ACTL8: variants seen among roughly 807,000 people sequenced by gnomAD.
The protein encoded by ACTL8 is actin like 8, also known as actin-like protein 8.
In ACTL8, 3 loss-of-function variants were observed where a neutral mutation model predicts 9.3. That is an observed-to-expected ratio of 0.32 (90% confidence interval 0.15 to 0.83). ACTL8 has a LOEUF of 0.83. Among genes scored for constraint, ACTL8 ranks in the 40% least tolerant of loss-of-function variants. The pLI, the probability that ACTL8 is intolerant of heterozygous loss-of-function variation, is 0.57. For missense variants in ACTL8, 381 were observed against 492.2 expected (o/e 0.77, Z 2.14); for synonymous variants, 224 against 205.9 (o/e 1.09, Z -0.75).
chr1:17,761,513 A>G (rs112900580), intron 1 of ACTL8, among the ~76,000 whole-genome samples: 1,975 of 151,742 alleles, frequency 0.013, 44 homozygotes, highest in African/African-American at 0.045. Flanking sequence ...TTAAAGTGGG[A>G]CAATTAATTA....
At chr1:17,782,395 C>T (rs867223368) in intron 1 of ACTL8, among the ~76,000 whole-genome samples, 5 of 151,710 alleles carry the variant, frequency 3.3e-5, no homozygotes, top group Admixed American at 6.6e-5. Flanking sequence ...TTTTGTTAAA[C>T]GCTATAAAGC....
chr1:17,826,110 C>A lies in ACTL8; in HGVS notation c.692C>A (p.Ala231Asp). The A allele has an allele frequency of 1.2e-6, 2 of 1,610,128 alleles. No individual in the cohort carries two copies. The change falls in exon 3 of 3, where the codon GCC (alanine) becomes GAC (aspartate). Residue 231 changes from alanine (A) to aspartate (D), a missense_variant. Ala to Asp is a moderately radical substitution (Grantham distance 126). Transcript: ENST00000375406. The surrounding 1 kb of genome is among the most constrained non-coding windows in gnomAD (Gnocchi z 4.5). ...ALDFRERQQS[A>D]LDESNTYQLP... Reference sequence around the variant, plus strand: ...GACTTTCGTGAGAGGCAGCAGAGTGCCTTGGATGAGAGCAACACCTATCAG... The same window carrying A: ...GACTTTCGTGAGAGGCAGCAGAGTGACTTGGATGAGAGCAACACCTATCAG...
intron 1 of ACTL8, among the ~76,000 whole-genome samples, chr1:17,797,436 T>G (rs1298775779): frequency 6.6e-6 from 1 of 152,216 alleles, no homozygotes; most frequent in Non-Finnish European, 1.5e-5. Context: ...CTTCCCAGGC[T>G]GTGTTCTGCA....
At chr1:17,794,214 G>C (rs571255821) in intron 1 of ACTL8, among the ~76,000 whole-genome samples, 3 of 152,290 alleles carry the variant, frequency 2.0e-5, no homozygotes, top group East Asian at 3.9e-4. Flanking sequence ...CCTAGGTCTG[G>C]CTGACCTTTT....
intron 1 of ACTL8, among the ~76,000 whole-genome samples, chr1:17,794,074 C>T (rs1170605311): frequency 6.6e-6 from 1 of 152,220 alleles, no homozygotes; most frequent in Admixed American, 6.5e-5. Flanking sequence ...GTGGCAATCT[C>T]TCTTGCTGAC....
At chr1:17,791,644 C>A (rs1320089550) in intron 1 of ACTL8, among the ~76,000 whole-genome samples, 1 of 152,210 alleles carries the variant, frequency 6.6e-6, no homozygotes, top group African/African-American at 2.4e-5. Flanking sequence ...GGTGAGGAGG[C>A]TGGCTAGATC....
chr1:17,814,784 T>C (rs574828935), intron 1 of ACTL8, among the ~76,000 whole-genome samples: 4 of 152,202 alleles, frequency 2.6e-5, no homozygotes, highest in African/African-American at 9.6e-5. Context: ...TACAATCGCC[T>C]ACAGTATTCA....
intron 1 of ACTL8, among the ~76,000 whole-genome samples, chr1:17,795,061 T>C (rs1407186917): frequency 1.3e-5 from 2 of 152,216 alleles, no homozygotes; most frequent in Admixed American, 1.3e-4. Context: ...CATGTTCAAA[T>C]AGTTTAGAAG....
At position 17,767,925 on chromosome 1, in the gene ACTL8, C is replaced by G. The variant is rs1242759344; in HGVS notation, c.-25+12421C>G. On this transcript the variant is annotated intron_variant, in intron 1 of 2. Coordinates refer to ENST00000375406, the MANE Select transcript of ACTL8 (RefSeq NM_030812.3). The surrounding 1 kb of genome is among the most constrained non-coding windows in gnomAD (Gnocchi z 4.7). ...TCCCTGGGTGTGCAGAATGGGTGCT[C>G]GTGAATCCCTCTGGTGGGACTGGGT... Among the ~76,000 whole-genome samples, 1 of 151,942 alleles carries G rather than the reference C, an allele frequency of 6.6e-6. No homozygotes were observed. The highest frequency in any genetic ancestry group is 2.4e-5 in the African/African-American group (1 of 41,334).
At chr1:17,756,290 A>T (rs7535923) in intron 1 of ACTL8, among the ~76,000 whole-genome samples, 44,314 of 150,172 alleles carry the variant, frequency 0.3, 7,189 homozygotes, top group African/African-American at 0.43. Context: ...TCTTTGGGGA[A>T]CCTATGAAAG....
At chr1:17,763,310 C>T (rs1040909075) in intron 1 of ACTL8, among the ~76,000 whole-genome samples, 23 of 152,178 alleles carry the variant, frequency 1.5e-4, no homozygotes, top group South Asian at 4.1e-4. Flanking sequence ...GCTGGCCCAA[C>T]GCTCCTCTGA....
rs1371585555 is a variant in ACTL8, at chr1:17,766,961, G to T, written c.-25+11457G>T. On this transcript the variant is annotated intron_variant, in intron 1 of 2. Transcript: ENST00000375406. ...GCAAAACAGACAAAGTTTTGCCCCCGTGCAGTTCCATTCTAGTTGGGGGAG... is the reference window on the plus strand; with the variant it reads ...GCAAAACAGACAAAGTTTTGCCCCCTTGCAGTTCCATTCTAGTTGGGGGAG... Among the ~76,000 whole-genome samples the T allele has an allele frequency of 2.0e-5, 3 of 152,238 alleles. No individual in the cohort carries two copies. The East Asian group carries it at 5.8e-4, about 29-fold the overall frequency.
rs924142814 is a variant in ACTL8, at chr1:17,783,635, C to T, written c.-25+28131C>T. Among the ~76,000 whole-genome samples the T allele has an allele frequency of 3.9e-5, 6 of 152,160 alleles. No individual in the cohort carries two copies. The East Asian group carries it at 5.8e-4, about 15-fold the overall frequency. Reference sequence around the variant, plus strand: ...GTGTCCCTGAGGTGAGTTTATTTCTCGTGATGTTAAAGGGATCTGGAACTG... The same window carrying T: ...GTGTCCCTGAGGTGAGTTTATTTCTTGTGATGTTAAAGGGATCTGGAACTG... On this transcript the variant is annotated intron_variant, in intron 1 of 2. Coordinates refer to ENST00000375406, the MANE Select transcript of ACTL8 (RefSeq NM_030812.3).
At chr1:17,806,687 G>A (rs1300158349) in intron 1 of ACTL8, among the ~76,000 whole-genome samples, 5 of 152,242 alleles carry the variant, frequency 3.3e-5, no homozygotes. Context: ...GGCCTCAGGA[G>A]GACATCCACA....
intron 1 of ACTL8, among the ~76,000 whole-genome samples, chr1:17,775,309 TC>T (rs2066111257): frequency 6.6e-6 from 1 of 151,980 alleles, no homozygotes; most frequent in African/African-American, 2.4e-5. Context: ...ACCCCATCCC[TC>T]CCCACTCAGC....
At chr1:17,795,694 C>T (rs534297455) in intron 1 of ACTL8, among the ~76,000 whole-genome samples, 2 of 152,206 alleles carry the variant, frequency 1.3e-5, no homozygotes, top group South Asian at 2.1e-4. Flanking sequence ...GTGGGGGTCC[C>T]GCGTCAATCA....
At chr1:17,815,021 A>G (rs1570042355) in intron 1 of ACTL8, among the ~76,000 whole-genome samples, 1 of 152,194 alleles carries the variant, frequency 6.6e-6, no homozygotes, top group East Asian at 1.9e-4. Context: ...CGTTTATAGC[A>G]TAGCAAGACT....
At chr1:17,798,771 T>C (rs929678424) in intron 1 of ACTL8, among the ~76,000 whole-genome samples, 7 of 152,178 alleles carry the variant, frequency 4.6e-5, no homozygotes, top group African/African-American at 1.7e-4. Flanking sequence ...TTTAAAGTCT[T>C]TCCTTCTCCA....
Position 17,817,992 on chromosome 1 carries a change from G to A in ACTL8, c.-24-4993G>A, listed in dbSNP as rs114016316. On this transcript the variant is annotated intron_variant, in intron 1 of 2. Transcript: ENST00000375406. ...GCTGGGATTACAGGTGTGAGCCACC[G>A]TGCCTGACCTCAACCACGTTCAATT... 3.2e-3 allele frequency among the ~76,000 whole-genome samples: 488 copies of A among 152,214 alleles called. 6 individuals carry two copies. The highest frequency in any genetic ancestry group is 0.011 in the African/African-American group (463 of 41,548).
Sources: allele counts gnomAD v4.1 joint callset (sites outside exome capture counted in the v4.1 genomes callset), GRCh38; gene constraint gnomAD v4.1.1; non-coding constraint Gnocchi (gnomAD v3.1); transcripts MANE v1.5; gene names NCBI Gene and HGNC (gene_info 2026-07-23, HGNC 2026-07-21).